Variants in TECPR2 observed in about 807,000 individuals in gnomAD.
TECPR2 encodes tectonin beta-propeller repeat containing 2, also known as tectonin beta-propeller repeat-containing protein 2.
A neutral mutation model predicts 138.1 loss-of-function variants in TECPR2; 65 were observed. The ratio of observed to expected loss-of-function variants is 0.47; its 90% CI spans 0.39 to 0.58. The LOEUF is 0.58. TECPR2 is among the 20% of genes least tolerant of loss of function. The probability of loss-of-function intolerance (pLI) is 0.00; values close to 1 mark genes in which losing one functional copy is unlikely to be tolerated. For synonymous variants in TECPR2, 746 were observed against 749.8 expected, an observed-to-expected ratio of 0.99 and a Z score of 0.08; for missense variants, 1,553 against 1,824.5, an observed-to-expected ratio of 0.85 and a Z score of 2.71.
chr14:102,405,869 A>G (rs1235598839), intron 2 of TECPR2, among the ~76,000 whole-genome samples: 3 of 152,230 alleles, frequency 2.0e-5, no homozygotes, highest in Non-Finnish European at 2.9e-5. Context: ...GAGTTCTGAT[A>G]TGTGCTATAA....
At chr14:102,384,700 T>C (rs992173310) in intron 2 of TECPR2, among the ~76,000 whole-genome samples, 2 of 149,054 alleles carry the variant, frequency 1.3e-5, no homozygotes, top group Admixed American at 1.3e-4. Context: ...TATATATATA[T>C]GTGTGTGTGT....
intron 2 of TECPR2, among the ~76,000 whole-genome samples, chr14:102,395,009 A>G (rs1367790784): frequency 6.6e-6 from 1 of 152,182 alleles, no homozygotes; most frequent in Non-Finnish European, 1.5e-5. Context: ...TGACTGATAC[A>G]CTGGCAAAAT....
intron 12 of TECPR2, among the ~76,000 whole-genome samples, 167 bp from the exon 13 acceptor site, chr14:102,445,639 A>G (rs1313800025): frequency 6.6e-6 from 1 of 152,016 alleles, no homozygotes; most frequent in African/African-American, 2.4e-5. Context: ...TTGCACAGTA[A>G]TTTAACTCAG....
At chr14:102,429,074 C>G (rs1037423269) in intron 7 of TECPR2, among the ~76,000 whole-genome samples, 3 of 152,084 alleles carry the variant, frequency 2.0e-5, no homozygotes, top group Non-Finnish European at 2.9e-5. Flanking sequence ...CTCAAACTCC[C>G]GACCTCAGGC....
rs185111145 is a variant in TECPR2, at chr14:102,445,478, G to T, written c.2934-328G>T. ...AGGGGCCTTGGATTGGTAGGGGAAGGAGTAGAGAGATGGAGGCGCTCAGGG... is the reference window on the plus strand; with the variant it reads ...AGGGGCCTTGGATTGGTAGGGGAAGTAGTAGAGAGATGGAGGCGCTCAGGG... On this transcript the variant is annotated intron_variant, in intron 12 of 19. Transcript: ENST00000359520. 3.1e-3 allele frequency among the ~76,000 whole-genome samples: 474 copies of T among 152,084 alleles called. 2 individuals are homozygous for T. The highest frequency in any genetic ancestry group is 5.0e-3 in the Non-Finnish European group (337 of 67,980).
Position 102,498,387 on chromosome 14 carries a change from A to G in TECPR2, c.*130A>G, listed in dbSNP as rs1364456314. 1 of 1,141,006 alleles carries G rather than the reference A, an allele frequency of 8.8e-7. No homozygotes were observed. The highest frequency in any genetic ancestry group is 1.2e-6 in the Non-Finnish European group (1 of 829,082). The allele number at this position is 1,141,006 out of a possible 1,614,324, so 70.7% of individuals were successfully genotyped here. On this transcript the variant is annotated 3_prime_UTR_variant, in exon 20 of 20. Coordinates refer to ENST00000359520, the MANE Select transcript of TECPR2 (RefSeq NM_014844.5). ...ACCTCTGGCCAGGTTGGACCCGCAC[A>G]CTTACTTTCATCTATGTTGGTTTCT...
In TECPR2 at chr14:102,465,266, A is replaced by G; in HGVS notation, c.3766A>G (p.Ile1256Val). ...TCCCAGTCTCATGCTTCCAGCCTGG[A>G]TAATGATTGAGCCACCTGTCCAGGT... ...LNPSLMLPAW[I>V]MIEPPVQPAG... Residue 1256 changes from isoleucine to valine, a missense_variant, in exon 17 of 20, where the codon ATA becomes GTA. By Grantham distance (29) the Ile-to-Val change is conservative (BLOSUM62 3). Coordinates refer to ENST00000359520, the MANE Select transcript of TECPR2 (RefSeq NM_014844.5). 6.2e-7 allele frequency: 1 copy of G among 1,614,018 alleles called. No individual in the cohort carries two copies. The highest frequency in any genetic ancestry group is 8.5e-7 in the Non-Finnish European group (1 of 1,179,994).
intron 17 of TECPR2, among the ~76,000 whole-genome samples, chr14:102,488,258 A>T (rs938907707): frequency 6.6e-6 from 1 of 150,966 alleles, no homozygotes; most frequent in African/African-American, 2.4e-5. Context: ...GGCTCAGGCA[A>T]TTCTCCTGCC....
rs1887219095 is a variant in TECPR2, at chr14:102,363,020, C to G, written c.-169C>G. On this transcript the variant is annotated 5_prime_UTR_variant, in exon 1 of 20. Transcript: ENST00000359520. ...CTGGCCCCGGTGCCGGCCCCGTTGC[C>G]CAGGGAACAGGCTCCCGGCAGCCCC... 31 of 869,516 alleles carry G rather than the reference C, an allele frequency of 3.6e-5. No individual in the cohort carries two copies. The highest frequency in any genetic ancestry group is 5.4e-5 in the Non-Finnish European group (31 of 572,838). 53.9% of individuals were successfully genotyped at this position (869,516 alleles called of 1,614,324 possible). A position where few individuals can be genotyped will look rare whatever the true frequency, so the allele number is the denominator to read the frequency against.
chr14:102,482,558 C>A (rs1258306620), intron 17 of TECPR2, among the ~76,000 whole-genome samples: 1 of 152,222 alleles, frequency 6.6e-6, no homozygotes, highest in Non-Finnish European at 1.5e-5. Flanking sequence ...TTGACCTCCC[C>A]TCATGTTAGA....
At chr14:102,399,853 A>G (rs1567324278) in intron 2 of TECPR2, among the ~76,000 whole-genome samples, 1 of 151,894 alleles carries the variant, frequency 6.6e-6, no homozygotes, top group East Asian at 1.9e-4. Context: ...AAGAAAAAAA[A>G]AAAAGAAAAA....
chr14:102,407,574 G>T, intron 3 of TECPR2, 108 bp downstream of exon 3: 1 of 1,408,248 alleles, frequency 7.1e-7, no homozygotes, highest in East Asian at 2.6e-5. Context: ...AGAGAAAGCC[G>T]GGCACGACTT....
intron 10 of TECPR2, among the ~76,000 whole-genome samples, chr14:102,439,645 T>G (rs1372839186): frequency 1.3e-5 from 2 of 152,240 alleles, no homozygotes; most frequent in African/African-American, 4.8e-5. Flanking sequence ...ACTCTGTATC[T>G]CCATGAGATT....
chr14:102,424,974 T>G lies in TECPR2; in HGVS notation c.639-5T>G. On this transcript the variant is annotated splice_region_variant and splice_polypyrimidine_tract_variant and intron_variant, in intron 5 of 19. Transcript: ENST00000359520. Reference sequence around the variant, plus strand: ...TTGTTCTTTCTTTCTTTCTTCTAATTTTAGTACTGGGAAATTTGGTGCTTG... The same window carrying G: ...TTGTTCTTTCTTTCTTTCTTCTAATGTTAGTACTGGGAAATTTGGTGCTTG... 6.2e-7 allele frequency: 1 copy of G among 1,600,446 alleles called. No individual in the cohort carries two copies. The highest frequency in any genetic ancestry group is 8.5e-7 in the Non-Finnish European group (1 of 1,171,894).
chr14:102,409,442 G>A (rs933691998), intron 4 of TECPR2, among the ~76,000 whole-genome samples: 4 of 152,050 alleles, frequency 2.6e-5, no homozygotes, highest in African/African-American at 9.7e-5. Flanking sequence ...TGGGATTACA[G>A]GGACCTGCCA....
intron 5 of TECPR2, among the ~76,000 whole-genome samples, chr14:102,416,504 A>G (rs922550653): frequency 1.3e-5 from 2 of 152,122 alleles, no homozygotes; most frequent in Admixed American, 1.3e-4. Flanking sequence ...AACTCAGTGG[A>G]ATTTATGGCC....
At chr14:102,495,697 G>T (rs577557199) in intron 17 of TECPR2, among the ~76,000 whole-genome samples, 1 of 152,238 alleles carries the variant, frequency 6.6e-6, no homozygotes, top group Admixed American at 6.5e-5. Flanking sequence ...AGCGGCCACC[G>T]CCCCGTCCTC....
chr14:102,446,270 T>C (rs1224248799), intron 13 of TECPR2, among the ~76,000 whole-genome samples: 1 of 151,940 alleles, frequency 6.6e-6, no homozygotes, highest in Non-Finnish European at 1.5e-5. Flanking sequence ...GGTTTTGGCA[T>C]GTTGTGCAGG....
chr14:102,404,156 G>T (rs1888582279), intron 2 of TECPR2, among the ~76,000 whole-genome samples: 2 of 151,212 alleles, frequency 1.3e-5, no homozygotes, highest in Admixed American at 1.3e-4. Flanking sequence ...CTCCTGCCTT[G>T]GCCTCCCAAA....
Sources: gnomAD v4.1 joint callset for allele counts (sites outside exome capture counted in the v4.1 genomes callset) on GRCh38, gnomAD v4.1.1 for gene constraint, MANE v1.5 for transcripts, NCBI Gene and HGNC (gene_info 2026-07-23, HGNC 2026-07-21) for gene names.